Variants in DNER observed in about 807,000 individuals in gnomAD.
The protein encoded by DNER is delta and Notch-like epidermal growth factor-related receptor.
DNER carries 33 observed loss-of-function variants against 78.2 expected under a neutral mutation model. The ratio of observed to expected loss-of-function variants is 0.42; its 90% CI spans 0.32 to 0.56. The LOEUF (loss-of-function observed/expected upper bound fraction) is 0.56, where lower values mean the gene tolerates loss of function less well. DNER is among the 20% of genes least tolerant of loss of function. The probability of loss-of-function intolerance (pLI) is 0.11; values close to 1 mark genes in which losing one functional copy is unlikely to be tolerated. For synonymous variants in DNER, 417 were observed against 384.8 expected (o/e 1.08, Z -0.98); for missense variants, 918 against 975.3 (o/e 0.94, Z 0.78).
At chr2:229,456,994 G>A (rs1264115866) in intron 7 of DNER, among the ~76,000 whole-genome samples, 1 of 151,980 alleles carries the variant, frequency 6.6e-6, no homozygotes, top group Non-Finnish European at 1.5e-5. Context: ...ATCTACAGAA[G>A]CATAAGATAA....
At chr2:229,387,501 A>AGAGAGAGAGAG (rs1559337815) in intron 11 of DNER, among the ~76,000 whole-genome samples, 5 of 97,300 alleles carry the variant, frequency 5.1e-5, no homozygotes, top group African/African-American at 1.4e-4. Flanking sequence ...GAAAGAAAGA[A>AGAGAGAGAGAG]AGAAAGAGAG....
chr2:229,588,384 A>G lies in DNER; in HGVS notation c.680+10T>C. The G allele has an allele frequency of 6.2e-7, 1 of 1,601,272 alleles. No homozygotes were observed. The highest frequency in any genetic ancestry group is 8.5e-7 in the Non-Finnish European group (1 of 1,172,418). Reference sequence around the variant, plus strand: ...CACTCTTAACAGTTTGTAACTCAGAATTTTCTTACTTGACTGAGGTGTTCT... The same window carrying G: ...CACTCTTAACAGTTTGTAACTCAGAGTTTTCTTACTTGACTGAGGTGTTCT... On this transcript the variant is annotated intron_variant, in intron 3 of 12. Transcript: ENST00000341772.
At chr2:229,702,305 C>A (rs369205964) in intron 1 of DNER, among the ~76,000 whole-genome samples, 1 of 152,010 alleles carries the variant, frequency 6.6e-6, no homozygotes, top group Non-Finnish European at 1.5e-5. Flanking sequence ...GAGGTCAAGG[C>A]GGGAGGATCA....
At chr2:229,702,944 G>C (rs1699772075) in intron 1 of DNER, among the ~76,000 whole-genome samples, 1 of 146,538 alleles carries the variant, frequency 6.8e-6, no homozygotes, top group African/African-American at 2.5e-5. Context: ...AAAGAATCCT[G>C]GTTCTACCTC....
chr2:229,577,720 C>T (rs1697329165), intron 4 of DNER, among the ~76,000 whole-genome samples: 1 of 152,076 alleles, frequency 6.6e-6, no homozygotes, highest in African/African-American at 2.4e-5. Context: ...GGAAGAATAA[C>T]TTCTTTGAAT....
intron 6 of DNER, among the ~76,000 whole-genome samples, chr2:229,507,537 G>C (rs1302317427): frequency 6.6e-6 from 1 of 152,178 alleles, no homozygotes; most frequent in African/African-American, 2.4e-5. Context: ...AACCATGACA[G>C]TGCAGAAATG....
At chr2:229,381,411 A>G (rs1191430105) in intron 11 of DNER, among the ~76,000 whole-genome samples, 3 of 152,072 alleles carry the variant, frequency 2.0e-5, no homozygotes, top group Non-Finnish European at 4.4e-5. Flanking sequence ...TGGCTCCTGG[A>G]ACACCAGTGA....
At chr2:229,636,729 G>A (rs1698537138) in intron 1 of DNER, among the ~76,000 whole-genome samples, 1 of 152,120 alleles carries the variant, frequency 6.6e-6, no homozygotes, top group South Asian at 2.1e-4. Context: ...CACAGCTATA[G>A]ACTACATTTA....
intron 5 of DNER, among the ~76,000 whole-genome samples, chr2:229,540,149 C>A (rs185406242): frequency 6.6e-6 from 1 of 152,304 alleles, no homozygotes; most frequent in Admixed American, 6.5e-5. Flanking sequence ...AGATTAGGGA[C>A]AGCTTCTAGA....
chr2:229,480,361 T>C (rs1413299510), intron 6 of DNER, among the ~76,000 whole-genome samples: 1 of 152,224 alleles, frequency 6.6e-6, no homozygotes, highest in Non-Finnish European at 1.5e-5. Context: ...GGGAGTTTTT[T>C]AAAGATCACT....
chr2:229,639,902 C>T (rs531649564), intron 1 of DNER, among the ~76,000 whole-genome samples: 1 of 152,262 alleles, frequency 6.6e-6, no homozygotes, highest in East Asian at 1.9e-4. Flanking sequence ...ATAAAATAAC[C>T]CAGAATGCAA....
At chr2:229,504,603 T>C (rs1032776949) in intron 6 of DNER, among the ~76,000 whole-genome samples, 2 of 152,240 alleles carry the variant, frequency 1.3e-5, no homozygotes, top group Non-Finnish European at 2.9e-5. Context: ...CTTTTAAACA[T>C]CAGCCCCCTT....
chr2:229,627,443 C>T (rs1421898190), intron 1 of DNER, among the ~76,000 whole-genome samples: 1 of 152,182 alleles, frequency 6.6e-6, no homozygotes, highest in Non-Finnish European at 1.5e-5. Context: ...AAAAGCTTAA[C>T]CACTTGGTAC....
chr2:229,449,748 T>C (rs779965365), intron 7 of DNER, among the ~76,000 whole-genome samples: 15 of 152,132 alleles, frequency 9.9e-5, no homozygotes, highest in Non-Finnish European at 2.1e-4. Flanking sequence ...ATCATAAATG[T>C]TAATGCTCAG....
intron 9 of DNER, among the ~76,000 whole-genome samples, chr2:229,407,597 A>G (rs1396665339): frequency 1.3e-5 from 2 of 152,232 alleles, no homozygotes; most frequent in African/African-American, 4.8e-5. Context: ...TTCTCTGCCT[A>G]CGTGTCCCAA....
Position 229,520,644 on chromosome 2 carries a change from T to C in DNER, c.994-7708A>G, listed in dbSNP as rs183606845. Among the ~76,000 whole-genome samples the C allele has an allele frequency of 2.2e-4, 33 of 152,288 alleles. No individual in the cohort carries two copies. In the East Asian group the frequency reaches 5.6e-3, roughly 26 times the overall value. On this transcript the variant is annotated intron_variant, in intron 5 of 12. Coordinates refer to ENST00000341772, the MANE Select transcript of DNER (RefSeq NM_139072.4). ...TTTTTTTTAATTTTAAGAATCTGGC[T>C]AAGTACCAAGAAAGGAAAGCTAAAA...
chr2:229,678,502 A>T (rs1699333835), intron 1 of DNER, among the ~76,000 whole-genome samples: 1 of 152,226 alleles, frequency 6.6e-6, no homozygotes, highest in Non-Finnish European at 1.5e-5. Flanking sequence ...GTGTCCTGTG[A>T]CTGAGGGAAA....
At chr2:229,514,981 A>G (rs1695940673) in intron 5 of DNER, among the ~76,000 whole-genome samples, 1 of 152,240 alleles carries the variant, frequency 6.6e-6, no homozygotes, top group Non-Finnish European at 1.5e-5. Context: ...TTAATAATAC[A>G]TTCTTCAATG....
chr2:229,489,415 G>C (rs1695346387), intron 6 of DNER, among the ~76,000 whole-genome samples: 1 of 152,032 alleles, frequency 6.6e-6, no homozygotes, highest in Admixed American at 6.5e-5. Context: ...AGAAACTAGG[G>C]ATGCATGAGA....
Sources: gnomAD v4.1 joint callset for allele counts (sites outside exome capture counted in the v4.1 genomes callset) on GRCh38, gnomAD v4.1.1 for gene constraint, MANE v1.5 for transcripts, NCBI Gene and HGNC (gene_info 2026-07-23, HGNC 2026-07-21) for gene names.